The following GGTA1 variants were observed in gnomAD, a reference collection of about 807,000 sequenced individuals.
GGTA1 encodes inactive N-acetyllactosaminide alpha-1,3-galactosyltransferase.
In GGTA1, 5 loss-of-function variants were observed where a neutral mutation model predicts 2.6. That is an observed-to-expected ratio of 1.92 (90% CI 1.00 to 4.04). The LOEUF is 4.04. Ranked by LOEUF, GGTA1 falls within the 30% of genes most tolerant of loss-of-function variation. The pLI, the probability that GGTA1 is intolerant of heterozygous loss-of-function variation, is 0.00. For missense variants in GGTA1, 50 were observed against 16.7 expected, an observed-to-expected ratio of 2.99 and a Z score of -3.47; for synonymous variants, 17 against 5.0, an observed-to-expected ratio of 3.38 and a Z score of -3.19.
chr9:121,471,948 A>T (rs1443287763), intron 1 of GGTA1, among the ~76,000 whole-genome samples: 3 of 152,220 alleles, frequency 2.0e-5, no homozygotes, highest in Admixed American at 6.5e-5. Context: ...CCTCACTTCC[A>T]GAGAAGTGGG....
chr9:121,456,334 T>G (rs1481784913), intron 5 of GGTA1, among the ~76,000 whole-genome samples: 3 of 152,160 alleles, frequency 2.0e-5, no homozygotes, highest in Non-Finnish European at 4.4e-5. Context: ...AGCACACACC[T>G]TCCTAGGTTA....
In GGTA1 at chr9:121,476,211, CGCCAACTGCATGTTGTGATAAA is replaced by C. The variant is rs1235773872; in HGVS notation, c.-9-8302_-9-8281del. Among the ~76,000 whole-genome samples the C allele has an allele frequency of 6.6e-6, 1 of 152,174 alleles. No individual in the cohort carries two copies. Among genetic ancestry groups the C allele is most frequent in the Non-Finnish European group, 1.5e-5 (1 of 68,044 alleles). Reference sequence around the variant, plus strand: ...CAGAACAGTCAGGAGCGAGTCCACACGCCAACTGCATGTTGTGATAAAGTCAGCTCCATGCCCTGCTCTATCC... The same window carrying C: ...CAGAACAGTCAGGAGCGAGTCCACACGTCAGCTCCATGCCCTGCTCTATCC... On this transcript the variant is annotated intron_variant, in intron 1 of 5. Transcript: ENST00000481799. This position sits in a 1 kb window ranked among gnomAD's most constrained non-coding sequence, Gnocchi z 4.6.
rs573838445 is a variant in GGTA1 at position 121,475,658 on chromosome 9, T to A, written c.-9-7727A>T. ...AGATGGTTTTTGGAACTGGAGATGCTTTACTGAACAAGATTATCATAGAGC... is the reference window on the plus strand; with the variant it reads ...AGATGGTTTTTGGAACTGGAGATGCATTACTGAACAAGATTATCATAGAGC... On this transcript the variant is annotated intron_variant, in intron 1 of 5. Transcript: ENST00000481799. Among the ~76,000 whole-genome samples the A allele has an allele frequency of 3.9e-5, 6 of 152,292 alleles. No individual in the cohort carries two copies. The South Asian group carries it at 8.3e-4, about 21-fold the overall frequency.
intron 5 of GGTA1, 27 bp from the exon 6 acceptor site, chr9:121,455,868 A>C (rs553883239): frequency 2.2e-6 from 1 of 453,340 alleles, no homozygotes; most frequent in Non-Finnish European, 4.4e-6. Flanking sequence ...CAACATTAAA[A>C]ATTTATGTTG....
chr9:121,484,570 G>A (rs867971794), intron 1 of GGTA1, among the ~76,000 whole-genome samples: 6 of 152,072 alleles, frequency 3.9e-5, no homozygotes, highest in Non-Finnish European at 4.4e-5. Flanking sequence ...AGGTCCCGCC[G>A]CTGTCTACAT....
At chr9:121,496,909 A>G (rs1028394956) in intron 1 of GGTA1, among the ~76,000 whole-genome samples, 2 of 151,596 alleles carry the variant, frequency 1.3e-5, no homozygotes, top group African/African-American at 4.8e-5. Context: ...TGTAGGTTTT[A>G]CAACTGGGCA....
At position 121,455,848 on chromosome 9, in the gene GGTA1, GA is replaced by G. The variant is rs144294298; in HGVS notation, c.299-8del. ...TTATTCGGATTCCTTCAAGCTGGAA[GA>G]AAAAACAGCAACATTAAAAATTTAT... On this transcript the variant is annotated splice_region_variant and splice_polypyrimidine_tract_variant and intron_variant, in intron 5 of 5. Coordinates refer to ENST00000481799, the MANE Select transcript of GGTA1 (RefSeq NM_001382585.1). 3.1e-3 allele frequency: 1,409 copies of G among 453,488 alleles called. 21 individuals carry two copies. The highest frequency in any genetic ancestry group is 0.025 in the African/African-American group (1,268 of 50,016). The allele number at this position is 453,488 out of a possible 1,614,324, so 28.1% of individuals were successfully genotyped here.
At position 121,461,291 on chromosome 9, in the gene GGTA1, G is replaced by A. The variant is rs1273859617; in HGVS notation, c.143C>T (p.Ala48Val). ...SKNPEVDDSSAQKGWWFLSWF... is the reference protein window; with the variant it reads ...SKNPEVDDSSVQKGWWFLSWF... The stretch of plus-strand genomic sequence containing the variant: ...GCTCAGAAACCACCAGCCCTTCTGA[G>A]CACTGCTGTCATCAACTTCTGGGTT... Residue 48 changes from alanine to valine, a missense_variant, in exon 4 of 6, where the codon GCT becomes GTT. Transcript: ENST00000481799. 2 of 456,372 alleles carry A rather than the reference G, an allele frequency of 4.4e-6. No homozygotes were observed. Among genetic ancestry groups the A allele is most frequent in the African/African-American group, 2.0e-5 (1 of 50,038 alleles). 28.3% of individuals were successfully genotyped at this position (456,372 alleles called of 1,614,324 possible). A position where few individuals can be genotyped will look rare whatever the true frequency, so the allele number is the denominator to read the frequency against.
At chr9:121,466,953 C>T (rs74754267) in intron 2 of GGTA1, among the ~76,000 whole-genome samples, 4 of 99,970 alleles carry the variant, frequency 4.0e-5, no homozygotes, top group African/African-American at 1.5e-4. Context: ...GACTCTGTCT[C>T]AAAAAAAAAA....
At chr9:121,464,344 T>TTTTG (rs2064986400) in intron 2 of GGTA1, among the ~76,000 whole-genome samples, 1 of 150,098 alleles carries the variant, frequency 6.7e-6, no homozygotes, top group South Asian at 2.1e-4. Flanking sequence ...TTTTTTTTTT[T>TTTTG]GAGATGGAGT....
chr9:121,483,299 C>T (rs1489678494), intron 1 of GGTA1, among the ~76,000 whole-genome samples: 2 of 152,190 alleles, frequency 1.3e-5, no homozygotes, highest in African/African-American at 2.4e-5. Context: ...GTTCTTCCTA[C>T]CCAGGCGCCT....
intron 5 of GGTA1, among the ~76,000 whole-genome samples, chr9:121,458,725 A>G (rs2064935130): frequency 1.3e-5 from 2 of 152,190 alleles, no homozygotes; most frequent in Non-Finnish European, 2.9e-5. Flanking sequence ...AGATGAAGCC[A>G]TGCAAGGGGA....
intron 1 of GGTA1, among the ~76,000 whole-genome samples, chr9:121,498,091 T>A (rs1006513045): frequency 1.3e-5 from 2 of 152,076 alleles, no homozygotes; most frequent in African/African-American, 4.8e-5. Flanking sequence ...TTCTCAGGAG[T>A]TTCCCAATAC....
exon 8 of GGTA1, chr9:121,446,141 A>T (rs1351914289): frequency 3.9e-5 from 6 of 152,250 alleles, no homozygotes; most frequent in African/African-American, 1.4e-4. Context: ...TGGATCTGTG[A>T]TGTATTTAAG....
chr9:121,446,672 T>C (rs2064853629), exon 8 of GGTA1: 1 of 152,186 alleles, frequency 6.6e-6, no homozygotes, highest in African/African-American at 2.4e-5. Context: ...GTTCAGTTGA[T>C]AGTATTTCCC....
intron 1 of GGTA1, chr9:121,479,087 T>G (rs1828579096): frequency 4.4e-6 from 2 of 456,538 alleles, no homozygotes; most frequent in South Asian, 3.1e-5. Flanking sequence ...TGAGCCGGCA[T>G]CCTTCTTCCA....
At chr9:121,480,572 C>T (rs1382020055) in intron 1 of GGTA1, among the ~76,000 whole-genome samples, 1 of 152,124 alleles carries the variant, frequency 6.6e-6, no homozygotes, top group Non-Finnish European at 1.5e-5. Context: ...GGACCAAAGC[C>T]AGACAGGAAG....
chr9:121,495,366 T>G (rs1175881772), intron 1 of GGTA1, among the ~76,000 whole-genome samples: 2 of 151,672 alleles, frequency 1.3e-5, no homozygotes, highest in African/African-American at 4.8e-5. Flanking sequence ...GACAACACGG[T>G]GAAATCCCAT....
intron 1 of GGTA1, among the ~76,000 whole-genome samples, chr9:121,474,382 C>T (rs1473163595): frequency 6.6e-6 from 1 of 152,226 alleles, no homozygotes; most frequent in Non-Finnish European, 1.5e-5. Flanking sequence ...ATTCCTGGAA[C>T]GTGTGCAGAT....
Sources: allele counts gnomAD v4.1 joint callset (sites outside exome capture counted in the v4.1 genomes callset), GRCh38; gene constraint gnomAD v4.1.1; non-coding constraint Gnocchi (gnomAD v3.1); transcripts MANE v1.5; gene names NCBI Gene and HGNC (gene_info 2026-07-23, HGNC 2026-07-21).